SLC30A9: variants seen among roughly 807,000 people sequenced by gnomAD.
SLC30A9 encodes solute carrier family 30 member 9, also known as proton-coupled zinc antiporter SLC30A9, mitochondrial.
A neutral mutation model predicts 87.5 loss-of-function variants in SLC30A9; 58 were observed. The ratio of observed to expected loss-of-function variants is 0.66; its 90% confidence interval spans 0.54 to 0.82. The LOEUF (loss-of-function observed/expected upper bound fraction) is 0.82, where lower values mean the gene tolerates loss of function less well. SLC30A9 is among the 40% of genes least tolerant of loss of function. SLC30A9 has a pLI of 0.00. For synonymous variants in SLC30A9, 234 were observed against 233.0 expected (o/e 1.00, Z -0.04); for missense variants, 557 against 679.1 (o/e 0.82, Z 2.00).
intron 5 of SLC30A9, 53 bp downstream of exon 5, chr4:42,022,983 A>G: frequency 9.7e-7 from 1 of 1,026,716 alleles, no homozygotes; most frequent in East Asian, 2.4e-5. Flanking sequence ...TTGGATTAAT[A>G]AAAATACATT....
chr4:42,019,473 G>A (rs1715851213), intron 3 of SLC30A9, among the ~76,000 whole-genome samples: 1 of 151,918 alleles, frequency 6.6e-6, no homozygotes, highest in African/African-American at 2.4e-5. Context: ...TTTATTAGAA[G>A]GCAATATTTA....
chr4:42,046,821 T>C (rs1456513811), intron 8 of SLC30A9, among the ~76,000 whole-genome samples: 5 of 152,196 alleles, frequency 3.3e-5, no homozygotes, highest in Non-Finnish European at 7.3e-5. Flanking sequence ...TCATGCTGCC[T>C]GACTTCAAAC....
At chr4:42,046,275 G>A (rs527671433) in intron 8 of SLC30A9, among the ~76,000 whole-genome samples, 1 of 152,234 alleles carries the variant, frequency 6.6e-6, no homozygotes, top group South Asian at 2.1e-4. Flanking sequence ...TATTCAAATA[G>A]GAAGAGAGGA....
chr4:42,053,823 A>G (rs956325497), intron 9 of SLC30A9, among the ~76,000 whole-genome samples: 8 of 151,986 alleles, frequency 5.3e-5, no homozygotes, highest in African/African-American at 1.9e-4. Context: ...TGGTATACTC[A>G]TACAATGGAA....
intron 4 of SLC30A9, chr4:42,020,749 G>A: frequency 5.3e-6 from 2 of 373,852 alleles, no homozygotes; most frequent in Non-Finnish European, 4.7e-6. Flanking sequence ...AACCCACAAT[G>A]GTAAATTCTT....
At chr4:42,023,433 A>G (rs1363499462) in intron 6 of SLC30A9, 49 bp downstream of exon 6, 2 of 1,203,240 alleles carry the variant, frequency 1.7e-6, no homozygotes, top group African/African-American at 1.5e-5. Flanking sequence ...TAACTTGTAG[A>G]TGAGAACTGT....
intron 2 of SLC30A9, among the ~76,000 whole-genome samples, chr4:42,016,681 G>A (rs1016533179): frequency 4.6e-5 from 7 of 152,130 alleles, no homozygotes; most frequent in Admixed American, 1.3e-4. Flanking sequence ...AGTTAAATGA[G>A]TTGATACATG....
chr4:42,082,948 A>G (rs1718795642), intron 17 of SLC30A9, among the ~76,000 whole-genome samples: 1 of 152,168 alleles, frequency 6.6e-6, no homozygotes, highest in Admixed American at 6.5e-5. Flanking sequence ...CAAGATAGGA[A>G]CTACAAAATT....
intron 15 of SLC30A9, among the ~76,000 whole-genome samples, chr4:42,075,087 T>G (rs1045611781): frequency 9.6e-6 from 1 of 104,632 alleles, no homozygotes; most frequent in Non-Finnish European, 1.9e-5. Context: ...TTTTTTTTTT[T>G]TTTTGAGACA....
At chr4:42,019,274 T>C (rs1435476448) in intron 3 of SLC30A9, among the ~76,000 whole-genome samples, 2 of 151,864 alleles carry the variant, frequency 1.3e-5, no homozygotes, top group Non-Finnish European at 2.9e-5. Context: ...TATTTTGCTC[T>C]TGCACTTCAG....
chr4:42,068,244 T>TA (rs1334553798), intron 14 of SLC30A9, among the ~76,000 whole-genome samples: 1 of 89,180 alleles, frequency 1.1e-5, no homozygotes, highest in Non-Finnish European at 3.0e-5. Flanking sequence ...GGAACTTAAC[T>TA]CTTTTTTTTT....
chr4:42,024,033 G>A (rs577934547), intron 6 of SLC30A9, among the ~76,000 whole-genome samples: 1 of 152,284 alleles, frequency 6.6e-6, no homozygotes, highest in African/African-American at 2.4e-5. Flanking sequence ...ATTATAATTC[G>A]AGATGAGATT....
In SLC30A9 at chr4:42,021,917, A is replaced by ATTTT. The variant is rs1180421350; in HGVS notation, c.435-895_435-892dup. 1.5e-3 allele frequency among the ~76,000 whole-genome samples: 59 copies of ATTTT among 39,946 alleles called. 9 individuals carry two copies. The highest frequency in any genetic ancestry group is 1.7e-3 in the Non-Finnish European group (30 of 17,548). 26.2% of individuals were successfully genotyped at this position (39,946 alleles called of 152,430 possible). On this transcript the variant is annotated intron_variant, in intron 4 of 17. Transcript: ENST00000264451. ...GGCTGTGCGCCACCACGCCTGGCTA[A>ATTTT]TTTTTTTTTTTTTTTTTTTTTTTTT...
At chr4:42,014,562 A>C (rs546035391) in intron 2 of SLC30A9, among the ~76,000 whole-genome samples, 198 of 151,974 alleles carry the variant, frequency 1.3e-3, no homozygotes, top group African/African-American at 4.5e-3. Flanking sequence ...TCGCAAAAAA[A>C]AAAAAAAGGA....
intron 2 of SLC30A9, among the ~76,000 whole-genome samples, chr4:42,002,663 A>G (rs1488275687): frequency 6.6e-6 from 1 of 152,072 alleles, no homozygotes; most frequent in Non-Finnish European, 1.5e-5. Flanking sequence ...TATTTACTTT[A>G]TCCAGTACCC....
chr4:42,005,876 C>CA (rs1361105077), intron 2 of SLC30A9, among the ~76,000 whole-genome samples: 1 of 152,120 alleles, frequency 6.6e-6, no homozygotes, highest in Non-Finnish European at 1.5e-5. Flanking sequence ...GAGAATGACT[C>CA]AGAGTTGATT....
rs1364297324 is a variant in SLC30A9, at chr4:42,088,224, T to G, written c.*2098T>G. The G allele has an allele frequency of 5.3e-5, 8 of 152,098 alleles. No individual in the cohort carries two copies. Among genetic ancestry groups the G allele is most frequent in the Admixed American group, 5.2e-4 (8 of 15,268 alleles). The allele number at this position is 152,098 out of a possible 1,614,324, so 9.4% of individuals were successfully genotyped here. A position where few individuals can be genotyped will look rare whatever the true frequency, so the allele number is the denominator to read the frequency against. On this transcript the variant is annotated 3_prime_UTR_variant, in exon 18 of 18. Transcript: ENST00000264451. ...TGAGTATTTATGTGGAATCAGGAAA[T>G]TTTTCTAGAGTCACTGAATTTTCAA... is the stretch of plus-strand genomic sequence containing the variant.
intron 8 of SLC30A9, among the ~76,000 whole-genome samples, chr4:42,043,699 A>T (rs1717014530): frequency 6.6e-6 from 1 of 152,222 alleles, no homozygotes; most frequent in Admixed American, 6.5e-5. Context: ...CTAATATTCA[A>T]ATTCAGGAAA....
intron 2 of SLC30A9, among the ~76,000 whole-genome samples, chr4:42,006,315 G>A (rs1403445416): frequency 6.6e-6 from 1 of 152,186 alleles, no homozygotes; most frequent in African/African-American, 2.4e-5. Flanking sequence ...GGGGCACATA[G>A]GAGAGGCACT....
Sources: allele counts gnomAD v4.1 joint callset (sites outside exome capture counted in the v4.1 genomes callset), GRCh38; gene constraint gnomAD v4.1.1; transcripts MANE v1.5; gene names NCBI Gene and HGNC (gene_info 2026-07-23, HGNC 2026-07-21).